ADIPOR2: variants seen among roughly 807,000 people sequenced by gnomAD.
ADIPOR2 encodes adiponectin receptor protein 2.
ADIPOR2 carries 18 observed loss-of-function variants against 40.9 expected under a neutral mutation model. That is an observed-to-expected ratio of 0.44 (90% CI 0.30 to 0.65). ADIPOR2 has a LOEUF of 0.65. Ranked by LOEUF, ADIPOR2 falls within the 30% of genes least tolerant of loss-of-function variation. The pLI, the probability that ADIPOR2 is intolerant of heterozygous loss-of-function variation, is 0.09. For synonymous variants in ADIPOR2, 165 were observed against 166.4 expected, an observed-to-expected ratio of 0.99 and a Z score of 0.06; for missense variants, 283 against 479.2, an observed-to-expected ratio of 0.59 and a Z score of 3.82.
intron 1 of ADIPOR2, among the ~76,000 whole-genome samples, chr12:1,735,377 C>A (rs1243808717): frequency 2.0e-5 from 3 of 152,128 alleles, no homozygotes; most frequent in African/African-American, 4.8e-5. Context: ...GGAGTTCACT[C>A]ATGATTTGGC....
rs776821829 is a variant in ADIPOR2, at chr12:1,786,097, G to C, written c.*25G>C. 9.4e-5 allele frequency: 152 copies of C among 1,611,344 alleles called. No homozygotes were observed. The highest frequency in any genetic ancestry group is 1.2e-4 in the Non-Finnish European group (145 of 1,179,156). ...ATACCTACCAGTCTCCAGGGACTAT[G>C]ACCCTAAACCAGGGCCTGCGGCACT... On this transcript the variant is annotated 3_prime_UTR_variant, in exon 8 of 8. Transcript: ENST00000357103.
chr12:1,762,558 G>A (rs1007455292), intron 2 of ADIPOR2, among the ~76,000 whole-genome samples: 2 of 152,186 alleles, frequency 1.3e-5, no homozygotes, highest in African/African-American at 2.4e-5. Flanking sequence ...AAAGGAGCAC[G>A]TGGGGACGTA....
Position 1,748,517 on chromosome 12 carries a change from G to A in ADIPOR2, c.-86-5741G>A, listed in dbSNP as rs557170842. Among the ~76,000 whole-genome samples the A allele has an allele frequency of 4.1e-4, 63 of 152,126 alleles. 1 individual carries two copies. The South Asian group carries it at 9.1e-3, about 22-fold the overall frequency. ...CCCACCTCGGCCTCCCAAAGTGCTG[G>A]GATTACAGGCGTGAGCCACCGTGCC... On this transcript the variant is annotated intron_variant, in intron 1 of 7. Transcript: ENST00000357103.
chr12:1,730,404 T>G (rs1281473965), intron 1 of ADIPOR2, among the ~76,000 whole-genome samples: 2 of 148,588 alleles, frequency 1.3e-5, no homozygotes, highest in African/African-American at 5.0e-5. Context: ...GATCATGAGG[T>G]CAGGAGATCG....
intron 1 of ADIPOR2, among the ~76,000 whole-genome samples, chr12:1,715,769 G>A (rs998159969): frequency 6.6e-6 from 1 of 152,158 alleles, no homozygotes; most frequent in African/African-American, 2.4e-5. Flanking sequence ...CAAGAGGATT[G>A]TAAAATGCGC....
At chr12:1,753,213 A>G in intron 1 of ADIPOR2, among the ~76,000 whole-genome samples, 1 of 152,200 alleles carries the variant, frequency 6.6e-6, no homozygotes. Context: ...ATTAGCTAGC[A>G]TATACCCTGG....
chr12:1,783,476 T>G (rs552182242), intron 6 of ADIPOR2, among the ~76,000 whole-genome samples: 2 of 149,598 alleles, frequency 1.3e-5, no homozygotes, highest in East Asian at 4.1e-4. Context: ...CTCGGCTCAC[T>G]GCAGCCTCTG....
chr12:1,709,296 T>C (rs181445895), intron 1 of ADIPOR2, among the ~76,000 whole-genome samples: 86 of 152,310 alleles, frequency 5.6e-4, no homozygotes, highest in Non-Finnish European at 1.1e-3. Context: ...TGTTTTGTAG[T>C]TTTCAGTGTA....
At chr12:1,733,815 T>C (rs1000555783) in intron 1 of ADIPOR2, among the ~76,000 whole-genome samples, 1 of 143,812 alleles carries the variant, frequency 7.0e-6, no homozygotes, top group African/African-American at 2.5e-5. Context: ...TGTCCATGTG[T>C]TCTCATTGTT....
chr12:1,695,011 G>GTTTTT (rs199627849), intron 1 of ADIPOR2, among the ~76,000 whole-genome samples: 5 of 128,308 alleles, frequency 3.9e-5, no homozygotes, highest in Non-Finnish European at 4.9e-5. Context: ...TTGTGTTGCA[G>GTTTTT]TTTTTTTTTT....
intron 1 of ADIPOR2, among the ~76,000 whole-genome samples, chr12:1,725,310 G>T (rs1321213565): frequency 1.5e-5 from 2 of 134,022 alleles, no homozygotes; most frequent in African/African-American, 2.9e-5. Context: ...TAGAGACGGG[G>T]TTTCACTATA....
rs1348630905 is a variant in ADIPOR2, at chr12:1,787,143, C to G, written c.*1071C>G. ...CCTCTATTAAAAATCACTGCCCTAA[C>G]TACACTTCCTCCTTGAGGGAATAGA... On this transcript the variant is annotated 3_prime_UTR_variant, in exon 8 of 8. Transcript: ENST00000357103. The G allele has an allele frequency of 3.3e-5, 5 of 152,230 alleles. No homozygotes were observed. The highest frequency in any genetic ancestry group is 7.3e-5 in the Non-Finnish European group (5 of 68,046). The allele number at this position is 152,230 out of a possible 1,614,324, so 9.4% of individuals were successfully genotyped here.
Position 1,780,500 on chromosome 12 carries a change from T to C in ADIPOR2, c.513T>C (p.Asn171=). Residue 171 remains asparagine, a synonymous_variant, in exon 5 of 8, where the codon AAT becomes AAC. Coordinates refer to ENST00000357103, the MANE Select transcript of ADIPOR2 (RefSeq NM_024551.3). The part of the protein sequence containing the change: ...CLGIFYMFRP[N]ISFVAPLQEK... ...GGATCTTTTATATGTTTCGCCCAAA[T>C]ATCTCCTTTGTGGCCCCTCTGCAAG... The C allele has an allele frequency of 6.2e-7, 1 of 1,613,746 alleles. No individual in the cohort carries two copies. The highest frequency in any genetic ancestry group is 8.5e-7 in the Non-Finnish European group (1 of 1,179,856).
At chr12:1,758,572 C>G (rs1258542831) in intron 2 of ADIPOR2, among the ~76,000 whole-genome samples, 15 of 152,070 alleles carry the variant, frequency 9.9e-5, no homozygotes, top group Non-Finnish European at 2.1e-4. Flanking sequence ...TCCCTTGCTG[C>G]CAATTTCACG....
At chr12:1,727,163 T>C (rs1950768736) in intron 1 of ADIPOR2, among the ~76,000 whole-genome samples, 1 of 152,220 alleles carries the variant, frequency 6.6e-6, no homozygotes, top group South Asian at 2.1e-4. Context: ...TGTAAAACCT[T>C]CACCATTTCT....
intron 6 of ADIPOR2, among the ~76,000 whole-genome samples, chr12:1,782,994 T>A (rs1358285165): frequency 1.1e-5 from 1 of 90,678 alleles, no homozygotes; most frequent in Non-Finnish European, 2.3e-5. Flanking sequence ...TTTTTTTTTT[T>A]TTTTTTTTGA....
At chr12:1,707,139 G>A (rs1399463902) in intron 1 of ADIPOR2, among the ~76,000 whole-genome samples, 1 of 152,128 alleles carries the variant, frequency 6.6e-6, no homozygotes, top group Non-Finnish European at 1.5e-5. Context: ...TATTCACTGT[G>A]GTATGGCTAT....
At chr12:1,754,212 C>G in intron 1 of ADIPOR2, 46 bp from the exon 2 acceptor site, 1 of 794,472 alleles carries the variant, frequency 1.3e-6, no homozygotes, top group Non-Finnish European at 1.8e-6. Context: ...TGATATTTTC[C>G]CCAGCACTCC....
At chr12:1,724,663 A>G (rs1028325875) in intron 1 of ADIPOR2, among the ~76,000 whole-genome samples, 5 of 152,154 alleles carry the variant, frequency 3.3e-5, no homozygotes, top group Non-Finnish European at 7.4e-5. Context: ...GTATTTTACT[A>G]TGCCATCATG....
Sources: allele counts gnomAD v4.1 joint callset (sites outside exome capture counted in the v4.1 genomes callset), GRCh38; gene constraint gnomAD v4.1.1; transcripts MANE v1.5; gene names NCBI Gene and HGNC (gene_info 2026-07-23, HGNC 2026-07-21).